The following C5orf22 variants were observed in gnomAD, a reference collection of about 807,000 sequenced individuals.
The protein encoded by C5orf22 is chromosome 5 open reading frame 22, also known as UPF0489 protein C5orf22.
C5orf22 carries 36 observed loss-of-function variants against 48.7 expected under a neutral mutation model. The ratio of observed to expected loss-of-function variants is 0.74; its 90% CI spans 0.57 to 0.98. The LOEUF (loss-of-function observed/expected upper bound fraction) is 0.98. C5orf22 is among the 50% of genes least tolerant of loss of function. C5orf22 has a pLI of 0.00. For synonymous variants in C5orf22, 141 were observed against 180.8 expected, an observed-to-expected ratio of 0.78 and a Z score of 1.76; for missense variants, 486 against 521.9, an observed-to-expected ratio of 0.93 and a Z score of 0.67.
Position 31,541,000 on chromosome 5 carries a change from A to C in C5orf22, c.859A>C (p.Asn287His), listed in dbSNP as rs1742420971. ...ELYQFKKPGT[N>H]LTEEDLVDIV... is the part of the protein sequence containing the mutation. ...GTACCAATTTAAGAAACCTGGCACC[A>C]ACCTAACAGAGGTATCCTCCATTTG... Residue 287 changes from asparagine to histidine, a missense_variant, in exon 5 of 9, where the codon AAC becomes CAC. Around this residue, in one of 3 missense-constraint regions of C5orf22, gnomAD observed 408 missense variants for 444.0 expected, o/e 0.92. Transcript: ENST00000325366. 1 of 1,610,620 alleles carries C rather than the reference A, an allele frequency of 6.2e-7. No individual in the cohort carries two copies. The highest frequency in any genetic ancestry group is 1.1e-5 in the South Asian group (1 of 90,908).
intron 4 of C5orf22, among the ~76,000 whole-genome samples, chr5:31,539,138 TA>T (rs1463616932): frequency 5.3e-5 from 8 of 151,816 alleles, no homozygotes; most frequent in African/African-American, 1.9e-4. Context: ...ATAATACAAA[TA>T]AAAAACAATA....
chr5:31,544,222 G>T (rs1262702702), intron 6 of C5orf22, among the ~76,000 whole-genome samples: 1 of 152,082 alleles, frequency 6.6e-6, no homozygotes, highest in Non-Finnish European at 1.5e-5. Context: ...TGTGGAGGAG[G>T]AATTAAAACA....
chr5:31,547,316 G>A (rs1477527920), intron 7 of C5orf22, among the ~76,000 whole-genome samples: 4 of 152,254 alleles, frequency 2.6e-5, no homozygotes, highest in Admixed American at 6.5e-5. Flanking sequence ...ATGAGCTGGT[G>A]TTGAGTGTCT....
intron 3 of C5orf22, among the ~76,000 whole-genome samples, chr5:31,536,275 CT>C (rs2150071723): frequency 6.6e-6 from 1 of 152,316 alleles, no homozygotes; most frequent in African/African-American, 2.4e-5. Context: ...AATCCCAGCA[CT>C]TTGGGAGGCC....
At chr5:31,547,080 C>T (rs1472337067) in intron 7 of C5orf22, among the ~76,000 whole-genome samples, 1 of 152,216 alleles carries the variant, frequency 6.6e-6, no homozygotes, top group Non-Finnish European at 1.5e-5. Context: ...AATGGATGTA[C>T]AAGAATTGGG....
chr5:31,545,886 G>C (rs1441620218), intron 7 of C5orf22, among the ~76,000 whole-genome samples, 174 bp downstream of exon 7: 1 of 151,972 alleles, frequency 6.6e-6, no homozygotes, highest in Non-Finnish European at 1.5e-5. Flanking sequence ...ACAGAATACT[G>C]TTTTCCTGGA....
In C5orf22 at chr5:31,538,302, T is replaced by C. The variant is rs1277734592; in HGVS notation, c.420T>C (p.Tyr140=). The change falls in exon 4 of 9, where the codon TAT becomes TAC. Residue 140 remains tyrosine, a synonymous_variant. Transcript: ENST00000325366. ...ATTATTTCCTAAGTGATGGTCTGTATGTACCTGAAGACCAGCTAGAGAACC... is the reference window on the plus strand; with the variant it reads ...ATTATTTCCTAAGTGATGGTCTGTACGTACCTGAAGACCAGCTAGAGAACC... ...TDHYFLSDGL[Y]VPEDQLENQK... is the part of the protein sequence containing the mutation. The C allele has an allele frequency of 1.2e-6, 2 of 1,613,686 alleles. No individual in the cohort carries two copies. The highest frequency in any genetic ancestry group is 1.1e-5 in the South Asian group (1 of 91,064).
chr5:31,536,222 A>G lies in C5orf22; in HGVS notation c.377+329A>G, dbSNP rs76344474. On this transcript the variant is annotated intron_variant, in intron 3 of 8. Transcript: ENST00000325366. Reference sequence around the variant, plus strand: ...GTACATTTTACTGTTTCCTGTCAGTATAACTGTTGTCTGCTGAATTTGCCG... The same window carrying G: ...GTACATTTTACTGTTTCCTGTCAGTGTAACTGTTGTCTGCTGAATTTGCCG... Among the ~76,000 whole-genome samples, 39 of 152,310 alleles carry G rather than the reference A, an allele frequency of 2.6e-4. 1 individual carries two copies. In the East Asian group the frequency reaches 5.8e-3, roughly 23 times the overall value.
intron 8 of C5orf22, among the ~76,000 whole-genome samples, chr5:31,551,638 CAGAG>C (rs1211107246): frequency 6.6e-6 from 1 of 152,140 alleles, no homozygotes. Flanking sequence ...GGGTCAGAAT[CAGAG>C]AGAGTGATTC....
At chr5:31,541,738 A>C (rs892722193) in intron 6 of C5orf22, among the ~76,000 whole-genome samples, 1 of 152,128 alleles carries the variant, frequency 6.6e-6, no homozygotes, top group African/African-American at 2.4e-5. Context: ...ATGCCACTGC[A>C]CTCTACCCTG....
intron 4 of C5orf22, 54 bp from the exon 5 acceptor site, chr5:31,540,895 A>C (rs1742410503): frequency 7.4e-7 from 1 of 1,342,772 alleles, no homozygotes; most frequent in Non-Finnish European, 1.1e-6. Context: ...CATATCATTA[A>C]AAAATTTTAA....
In C5orf22 at chr5:31,552,874, T is replaced by C. The variant is rs1466293833; in HGVS notation, c.1301T>C (p.Val434Ala). ...RALYGNLDLQ[V>A]YAAESPPS ...CTCTATGGAAATCTAGACCTCCAAG[T>C]GTATGCAGCAGAGTCTCCTCCATCT... The change falls in exon 9 of 9, where the codon GTG (valine) becomes GCG (alanine). Residue 434 changes from valine to alanine, a missense_variant. Val to Ala is a moderately conservative substitution (Grantham distance 64). This residue lies in a region of C5orf22 where 408 missense variants were observed against 444.0 expected (regional missense o/e 0.92). Transcript: ENST00000325366. The C allele has an allele frequency of 1.2e-6, 2 of 1,613,872 alleles. No individual in the cohort carries two copies. Among genetic ancestry groups the C allele is most frequent in the Admixed American group, 1.7e-5 (1 of 60,022 alleles).
At chr5:31,539,707 TATC>T (rs1742332430) in intron 4 of C5orf22, among the ~76,000 whole-genome samples, 1 of 152,064 alleles carries the variant, frequency 6.6e-6, no homozygotes, top group Non-Finnish European at 1.5e-5. Context: ...ATTTTTTAAA[TATC>T]ATTAGGAAAG....
rs1375167063 is a variant in C5orf22 at position 31,538,689 on chromosome 5, G to C, written c.807G>C (p.Gln269His). Residue 269 changes from glutamine (Q) to histidine (H), a missense_variant and splice_region_variant, in exon 4 of 9, where the codon CAG (glutamine) becomes CAC (histidine). Coordinates refer to ENST00000325366, the MANE Select transcript of C5orf22 (RefSeq NM_018356.3). ...ATCCCTTCAAAGAAATGTTCACTCA[G>C]GTAAATAATTGTGTTTTTAACACAT... ...VKNPFKEMFTQEEYKILQELY... is the reference protein window; with the variant it reads ...VKNPFKEMFTHEEYKILQELY... 1 of 1,602,852 alleles carries C rather than the reference G, an allele frequency of 6.2e-7. No individual in the cohort carries two copies. The highest frequency in any genetic ancestry group is 1.7e-5 in the Admixed American group (1 of 59,244).
At chr5:31,548,994 C>T (rs1397305546) in intron 7 of C5orf22, among the ~76,000 whole-genome samples, 1 of 151,978 alleles carries the variant, frequency 6.6e-6, no homozygotes, top group African/African-American at 2.4e-5. Flanking sequence ...CCGAAGCGAG[C>T]AGATCACCTG....
intron 7 of C5orf22, among the ~76,000 whole-genome samples, chr5:31,550,450 G>A (rs1743181014): frequency 1.3e-5 from 2 of 152,152 alleles, no homozygotes; most frequent in South Asian, 4.1e-4. Flanking sequence ...AATAAGGTAG[G>A]ATAAATATTT....
intron 7 of C5orf22, among the ~76,000 whole-genome samples, chr5:31,550,630 A>C (rs1743193974): frequency 6.6e-6 from 1 of 152,056 alleles, no homozygotes; most frequent in African/African-American, 2.4e-5. Flanking sequence ...CAATGGCACG[A>C]TCTTGGCTCA....
At chr5:31,545,597 T>C (rs1742833132) in intron 6 of C5orf22, 49 bp from the exon 7 acceptor site, 1 of 1,280,766 alleles carries the variant, frequency 7.8e-7, no homozygotes, top group Non-Finnish European at 1.1e-6. Context: ...ATTATCATTT[T>C]AGTTGTGGTG....
chr5:31,538,231 C>A, intron 3 of C5orf22, 29 bp from the exon 4 acceptor site: 1 of 1,519,402 alleles, frequency 6.6e-7, no homozygotes, highest in Non-Finnish European at 8.9e-7. Flanking sequence ...GCCCATTCTT[C>A]TTAAAAATCG....
Sources: allele counts gnomAD v4.1 joint callset (sites outside exome capture counted in the v4.1 genomes callset), GRCh38; gene constraint gnomAD v4.1.1; regional missense constraint gnomAD v4.1.1; transcripts MANE v1.5; gene names NCBI Gene and HGNC (gene_info 2026-07-23, HGNC 2026-07-21).